Variants in NEK10 observed in about 807,000 individuals in gnomAD.
NEK10 encodes the protein serine/threonine-protein kinase Nek10.
NEK10 carries 122 observed loss-of-function variants against 159.8 expected under a neutral mutation model. The ratio of observed to expected loss-of-function variants is 0.76; its 90% CI spans 0.66 to 0.89. The LOEUF (loss-of-function observed/expected upper bound fraction) is 0.89. Ranked by LOEUF, NEK10 falls within the 40% of genes least tolerant of loss-of-function variation. The pLI, the probability that NEK10 is intolerant of heterozygous loss-of-function variation, is 0.00. For missense variants in NEK10, 1,342 were observed against 1,323.1 expected (o/e 1.01, Z -0.22); for synonymous variants, 466 against 457.1 (o/e 1.02, Z -0.25).
intron 32 of NEK10, among the ~76,000 whole-genome samples, chr3:27,130,543 G>A (rs1942495365): frequency 1.3e-5 from 2 of 152,134 alleles, no homozygotes; most frequent in South Asian, 4.1e-4. Context: ...CACTCAGTGG[G>A]AGTTGAAGCC....
At chr3:27,269,721 T>C (rs1280926331) in intron 22 of NEK10, among the ~76,000 whole-genome samples, 2 of 152,222 alleles carry the variant, frequency 1.3e-5, no homozygotes, top group Non-Finnish European at 1.5e-5. Flanking sequence ...GTCCACAGTA[T>C]CTCCAAGGTA....
intron 31 of NEK10, among the ~76,000 whole-genome samples, chr3:27,135,777 T>C (rs1481865917): frequency 6.6e-6 from 1 of 152,254 alleles, no homozygotes; most frequent in African/African-American, 2.4e-5. Flanking sequence ...ACACTTCTCT[T>C]AGAATTTACA....
chr3:27,285,134 AG>A (rs1230787281), intron 20 of NEK10, among the ~76,000 whole-genome samples, 173 bp from the exon 21 acceptor site: 1 of 152,142 alleles, frequency 6.6e-6, no homozygotes, highest in Non-Finnish European at 1.5e-5. Context: ...GGTGGAGGTG[AG>A]GGGGTCTTAG....
intron 1 of NEK10, 40 bp from the exon 2 acceptor site, chr3:27,352,959 C>T (rs982329027): frequency 2.5e-5 from 24 of 972,828 alleles, no homozygotes; most frequent in Admixed American, 4.0e-5. Flanking sequence ...AGTTGGGTTG[C>T]GTGTGCCAAA....
chr3:27,178,453 T>C (rs570611936), intron 26 of NEK10, among the ~76,000 whole-genome samples: 1 of 152,354 alleles, frequency 6.6e-6, no homozygotes, highest in Non-Finnish European at 1.5e-5. Context: ...TGTTCTGAAA[T>C]ATTCATATTC....
chr3:27,263,894 G>A lies in NEK10; in HGVS notation c.2015-7523C>T, dbSNP rs139957988. Among the ~76,000 whole-genome samples, 509 of 152,240 alleles carry A rather than the reference G, an allele frequency of 3.3e-3. 8 individuals carry two copies. In the East Asian group the frequency reaches 0.051, roughly 15 times the overall value. On this transcript the variant is annotated intron_variant, in intron 22 of 35. Coordinates refer to ENST00000691995, the MANE Select transcript of NEK10 (RefSeq NM_001394966.1). ...TCAGTTGGAAATGCAGAAGTCACCC[G>A]TCTTCTGCGTCGCTCATGCTGGGAG...
intron 26 of NEK10, among the ~76,000 whole-genome samples, chr3:27,183,939 T>TAGTG (rs2148932878): frequency 6.6e-6 from 1 of 152,250 alleles, no homozygotes; most frequent in East Asian, 1.9e-4. Flanking sequence ...CAATACCAAA[T>TAGTG]AGTGGCAAGG....
chr3:27,211,702 A>G (rs1347633303), intron 23 of NEK10, among the ~76,000 whole-genome samples: 2 of 152,204 alleles, frequency 1.3e-5, no homozygotes, highest in East Asian at 3.9e-4. Context: ...ATCTCCAAGC[A>G]ATACTATGTG....
chr3:27,174,743 C>T lies in NEK10; in HGVS notation c.2596G>A (p.Glu866Lys), dbSNP rs775894599. Reference protein sequence around the residue: ...ELSESADLPPEGFQASYGKDE... With the variant: ...ELSESADLPPKGFQASYGKDE... ...TTACCATAGGAGGCCTGGAAGCCTTCAGGGGGCAGGTCTGCGCTTTCTGAA... is the reference window on the plus strand; with the variant it reads ...TTACCATAGGAGGCCTGGAAGCCTTTAGGGGGCAGGTCTGCGCTTTCTGAA... The change falls in exon 27 of 36, where the codon GAA becomes AAA. Residue 866 changes from glutamate (E) to lysine (K), a missense_variant. Transcript: ENST00000691995. The T allele has an allele frequency of 6.2e-7, 1 of 1,613,716 alleles. No homozygotes were observed. The highest frequency in any genetic ancestry group is 1.1e-5 in the South Asian group (1 of 91,008).
intron 23 of NEK10, among the ~76,000 whole-genome samples, chr3:27,240,646 TATCTC>T (rs1244212840): frequency 5.8e-5 from 8 of 137,188 alleles, no homozygotes; most frequent in Non-Finnish European, 1.2e-4. Flanking sequence ...CTTTTATTAC[TATCTC>T]ATCTTTTTTT....
At chr3:27,310,700 T>C in intron 9 of NEK10, 1 of 367,404 alleles carries the variant, frequency 2.7e-6, no homozygotes, top group Non-Finnish European at 4.8e-6. Flanking sequence ...GTAATAAACC[T>C]AGTTGGTATT....
chr3:27,187,833 C>T (rs1028282257), intron 26 of NEK10, among the ~76,000 whole-genome samples: 8 of 151,784 alleles, frequency 5.3e-5, no homozygotes, highest in East Asian at 1.9e-4. Context: ...AGAAATTCAA[C>T]GTTTTAGTCC....
intron 25 of NEK10, among the ~76,000 whole-genome samples, chr3:27,192,526 G>A (rs1949207213): frequency 6.6e-6 from 1 of 151,862 alleles, no homozygotes; most frequent in Non-Finnish European, 1.5e-5. Flanking sequence ...CTCAGGATGG[G>A]CAGATGGGAC....
At chr3:27,303,269 A>C (rs749759469) in intron 12 of NEK10, among the ~76,000 whole-genome samples, 1 of 152,232 alleles carries the variant, frequency 6.6e-6, no homozygotes, top group Non-Finnish European at 1.5e-5. Context: ...TGACTTCAGC[A>C]AAAGAAGAAA....
chr3:27,193,997 T>C (rs1213902919), intron 25 of NEK10: 1 of 152,116 alleles, frequency 6.6e-6, no homozygotes, highest in African/African-American at 2.4e-5. Flanking sequence ...ATCTAAAAAG[T>C]TTACCTACCC....
At chr3:27,337,856 C>T (rs534976051) in intron 5 of NEK10, among the ~76,000 whole-genome samples, 1 of 152,060 alleles carries the variant, frequency 6.6e-6, no homozygotes, top group Non-Finnish European at 1.5e-5. Flanking sequence ...AAACTACTAA[C>T]TAAAAACAGA....
chr3:27,295,812 C>G, intron 14 of NEK10, 122 bp from the exon 15 acceptor site: 2 of 1,281,376 alleles, frequency 1.6e-6, no homozygotes, highest in Non-Finnish European at 2.0e-6. Context: ...AACTATGGAC[C>G]TTGAAGTAAA....
chr3:27,156,841 C>T (rs528175765), intron 30 of NEK10, among the ~76,000 whole-genome samples: 2 of 148,930 alleles, frequency 1.3e-5, no homozygotes, highest in East Asian at 4.0e-4. Context: ...GATACTTGCC[C>T]ATGCATGTTT....
chr3:27,331,606 C>T (rs934006676), intron 5 of NEK10, among the ~76,000 whole-genome samples: 6 of 152,150 alleles, frequency 3.9e-5, no homozygotes, highest in African/African-American at 1.4e-4. Context: ...TGCTGAGGAC[C>T]AGGTAAAGCT....
Sources: gnomAD v4.1 joint callset for allele counts (sites outside exome capture counted in the v4.1 genomes callset) on GRCh38, gnomAD v4.1.1 for gene constraint, MANE v1.5 for transcripts, NCBI Gene and HGNC (gene_info 2026-07-23, HGNC 2026-07-21) for gene names.